Variants in MAPKAPK3 observed in about 807,000 individuals in gnomAD.
MAPKAPK3 encodes MAP kinase-activated protein kinase 3.
In MAPKAPK3, 35 loss-of-function variants were observed where a neutral mutation model predicts 49.2. That is an observed-to-expected ratio of 0.71 (90% CI 0.54 to 0.94). MAPKAPK3 has a LOEUF of 0.94. Ranked by LOEUF, MAPKAPK3 falls within the 40% of genes least tolerant of loss-of-function variation. MAPKAPK3 has a pLI of 0.00. For synonymous variants in MAPKAPK3, 178 were observed against 188.7 expected (o/e 0.94, Z 0.46); for missense variants, 398 against 493.1 (o/e 0.81, Z 1.83).
chr3:50,633,136 C>A (rs2032953211), intron 2 of MAPKAPK3, among the ~76,000 whole-genome samples: 1 of 152,042 alleles, frequency 6.6e-6, no homozygotes, highest in Non-Finnish European at 1.5e-5. Context: ...GGCTTGGTCA[C>A]CTTCTTGCAC....
intron 9 of MAPKAPK3, 56 bp from the exon 10 acceptor site, chr3:50,647,067 C>G: frequency 7.1e-7 from 1 of 1,406,834 alleles, no homozygotes; most frequent in Non-Finnish European, 9.8e-7. Context: ...TAGGGGGAAC[C>G]AGTGCTGTCC....
In MAPKAPK3 at chr3:50,642,301, A is replaced by G; in HGVS notation, c.473A>G (p.His158Arg). 6.2e-7 allele frequency: 1 copy of G among 1,602,616 alleles called. No individual in the cohort carries two copies. Among genetic ancestry groups the G allele is most frequent in the Non-Finnish European group, 8.5e-7 (1 of 1,175,628 alleles). ...ATTGGCACTGCCATCCAGTTTCTGC[A>G]CAGCCATAACATTGCCCACCGAGAT... Reference protein sequence around the residue: ...RDIGTAIQFLHSHNIAHRDVK... With the variant: ...RDIGTAIQFLRSHNIAHRDVK... Residue 158 changes from histidine to arginine, a missense_variant, in exon 5 of 11, where the codon CAC becomes CGC. Physicochemically the swap from His to Arg is conservative, Grantham distance 29 (BLOSUM62 0). This residue lies in a region of MAPKAPK3 where 41 missense variants were observed against 35.8 expected (regional missense o/e 1.15). Transcript: ENST00000621469.
At chr3:50,623,060 C>T (rs1190976723) in intron 2 of MAPKAPK3, among the ~76,000 whole-genome samples, 1 of 152,214 alleles carries the variant, frequency 6.6e-6, no homozygotes, top group Non-Finnish European at 1.5e-5. Context: ...GCAGGCCAGG[C>T]CCTTTTTCAT....
chr3:50,642,249 G>A lies in MAPKAPK3; in HGVS notation c.425-4G>A, dbSNP rs765833049. 6.2e-7 allele frequency: 1 copy of A among 1,610,036 alleles called. No homozygotes were observed. Among genetic ancestry groups the A allele is most frequent in the Admixed American group, 1.7e-5 (1 of 60,022 alleles). On this transcript the variant is annotated splice_polypyrimidine_tract_variant and splice_region_variant and intron_variant, in intron 4 of 10. Transcript: ENST00000621469. Reference sequence around the variant, plus strand: ...ACTGACCCCCTCCTCCTCTGTTTCTGCAGAAGCTGCAGAGATAATGCGGGA... The same window carrying A: ...ACTGACCCCCTCCTCCTCTGTTTCTACAGAAGCTGCAGAGATAATGCGGGA...
At chr3:50,645,877 C>G (rs2033279934) in intron 7 of MAPKAPK3, 92 bp downstream of exon 7, 6 of 1,184,164 alleles carry the variant, frequency 5.1e-6, no homozygotes, top group African/African-American at 1.5e-5. Flanking sequence ...CCCCCATGTC[C>G]TTGGTGAGGA....
chr3:50,628,591 G>C (rs1181980736), intron 2 of MAPKAPK3, among the ~76,000 whole-genome samples: 1 of 152,156 alleles, frequency 6.6e-6, no homozygotes, highest in Admixed American at 6.5e-5. Flanking sequence ...CCAGAACCTG[G>C]ATCTTCTGAG....
At chr3:50,647,614 GTGGTGGAAC>G (rs1196523470) in intron 10 of MAPKAPK3, among the ~76,000 whole-genome samples, 1 of 152,282 alleles carries the variant, frequency 6.6e-6, no homozygotes, top group Non-Finnish European at 1.5e-5. Flanking sequence ...TTGTGGTTCT[GTGGTGGAAC>G]TGGTTTAGTT....
chr3:50,643,489 T>C (rs1169476398), intron 5 of MAPKAPK3, among the ~76,000 whole-genome samples: 1 of 152,172 alleles, frequency 6.6e-6, no homozygotes, highest in Non-Finnish European at 1.5e-5. Flanking sequence ...TTACCTTCCT[T>C]GGCTTATTTC....
chr3:50,637,693 AAGAG>A (rs34205773), intron 2 of MAPKAPK3, among the ~76,000 whole-genome samples: 2,748 of 144,938 alleles, frequency 0.019, 71 homozygotes, highest in African/African-American at 0.059. Flanking sequence ...CAGAGAGAGA[AAGAG>A]AGAGAGAGAG....
chr3:50,635,812 A>G (rs2033023476), intron 2 of MAPKAPK3, among the ~76,000 whole-genome samples: 1 of 150,950 alleles, frequency 6.6e-6, no homozygotes, highest in African/African-American at 2.4e-5. Context: ...TGATAGGCAC[A>G]GTGGCTCATG....
chr3:50,613,103 A>C (rs368547425), upstream of MAPKAPK3, among the ~76,000 whole-genome samples: 34 of 151,936 alleles, frequency 2.2e-4, no homozygotes, highest in African/African-American at 8.2e-4. Context: ...TGGGATTTGG[A>C]GAGGTTGCAG....
chr3:50,641,228 T>C (rs808148), intron 3 of MAPKAPK3, among the ~76,000 whole-genome samples: 132,478 of 152,210 alleles, frequency 0.87, 59,374 homozygotes, highest in Non-Finnish European at 0.99. Flanking sequence ...TCATCCCTAT[T>C]ATACAAAAGA....
At chr3:50,642,884 C>A (rs2033207950) in intron 5 of MAPKAPK3, among the ~76,000 whole-genome samples, 1 of 152,184 alleles carries the variant, frequency 6.6e-6, no homozygotes, top group Non-Finnish European at 1.5e-5. Flanking sequence ...CAGAGTCTCA[C>A]TCTGTCACCT....
At position 50,642,239 on chromosome 3, in the gene MAPKAPK3, C is replaced by T. The variant is rs2107598036; in HGVS notation, c.425-14C>T. 6.2e-7 allele frequency: 1 copy of T among 1,600,090 alleles called. No homozygotes were observed. The highest frequency in any genetic ancestry group is 8.6e-7 in the Non-Finnish European group (1 of 1,167,482). On this transcript the variant is annotated splice_polypyrimidine_tract_variant and intron_variant, in intron 4 of 10. Coordinates refer to ENST00000621469, the MANE Select transcript of MAPKAPK3 (RefSeq NM_001243925.2). ...GACTGGCATCACTGACCCCCTCCTC[C>T]TCTGTTTCTGCAGAAGCTGCAGAGA...
At chr3:50,632,892 C>A (rs2032946809) in intron 2 of MAPKAPK3, among the ~76,000 whole-genome samples, 1 of 152,202 alleles carries the variant, frequency 6.6e-6, no homozygotes, top group South Asian at 2.1e-4. Flanking sequence ...CTGGGGTGAG[C>A]TGGATGGGGA....
At chr3:50,640,117 G>A (rs1365210961) in intron 2 of MAPKAPK3, among the ~76,000 whole-genome samples, 2 of 152,118 alleles carry the variant, frequency 1.3e-5, no homozygotes, top group East Asian at 3.9e-4. Context: ...TGAGCCCCTC[G>A]AAGCAGTCAG....
At position 50,632,577 on chromosome 3, in the gene MAPKAPK3, G is replaced by A. The variant is rs9815761; in HGVS notation, c.220-7789G>A. Among the ~76,000 whole-genome samples the A allele has an allele frequency of 2.7e-3, 416 of 152,352 alleles. 1 individual carries two copies. The highest frequency in any genetic ancestry group is 9.6e-3 in the African/African-American group (398 of 41,576). On this transcript the variant is annotated intron_variant, in intron 2 of 10. Coordinates refer to ENST00000621469, the MANE Select transcript of MAPKAPK3 (RefSeq NM_001243925.2). ...CCTCCAGGAGGAAGTTCCCTTTGCT[G>A]TAGGGCTGATGTCTCTCATACTGTG...
At chr3:50,646,863 A>G (rs1390907014) in intron 9 of MAPKAPK3, 38 bp downstream of exon 9, 7 of 1,600,140 alleles carry the variant, frequency 4.4e-6, no homozygotes, top group Non-Finnish European at 6.0e-6. Context: ...CAGGGTGTCC[A>G]ACAGGAGTGG....
chr3:50,634,492 T>A (rs2032985171), intron 2 of MAPKAPK3, among the ~76,000 whole-genome samples: 1 of 144,234 alleles, frequency 6.9e-6, no homozygotes, highest in East Asian at 2.0e-4. Context: ...CTTCTTCTTC[T>A]TTTTTTTTTT....
Sources: allele counts gnomAD v4.1 joint callset (sites outside exome capture counted in the v4.1 genomes callset), GRCh38; gene constraint gnomAD v4.1.1; regional missense constraint gnomAD v4.1.1; transcripts MANE v1.5; gene names NCBI Gene and HGNC (gene_info 2026-07-23, HGNC 2026-07-21).